TNNT3: variants seen among roughly 807,000 people sequenced by gnomAD.
TNNT3 encodes the protein troponin T, fast skeletal muscle.
TNNT3 carries 36 observed loss-of-function variants against 54.2 expected under a neutral mutation model. The observed-to-expected ratio is 0.66, with a 90% confidence interval of 0.51 to 0.88. The LOEUF is 0.88. Ranked by LOEUF, TNNT3 falls within the 40% of genes least tolerant of loss-of-function variation. TNNT3 has a pLI of 0.00. For missense variants in TNNT3, 291 were observed against 331.6 expected, an observed-to-expected ratio of 0.88 and a Z score of 0.95; for synonymous variants, 120 against 109.7, an observed-to-expected ratio of 1.09 and a Z score of -0.59.
chr11:1,938,524 C>T lies in TNNT3; in HGVS notation c.*32C>T. On this transcript the variant is annotated 3_prime_UTR_variant, in exon 16 of 16. Coordinates refer to ENST00000278317, the MANE Select transcript of TNNT3 (RefSeq NM_006757.4). ...CAGAAAGGCCCCTCGAGGCAGAGAC[C>T]CTCCGCCCTCTTGCACACCAGGGCC... 6.2e-7 allele frequency: 1 copy of T among 1,609,198 alleles called. No homozygotes were observed. The highest frequency in any genetic ancestry group is 1.1e-5 in the South Asian group (1 of 90,950).
At chr11:1,935,254 C>T (rs1589998386) in intron 14 of TNNT3, 1 of 412,396 alleles carries the variant, frequency 2.4e-6, no homozygotes, top group Non-Finnish European at 4.6e-6. Context: ...CCCCTTTAAG[C>T]TTATAGAAAG....
At chr11:1,926,352 C>T (rs543230400) in intron 5 of TNNT3, 201 of 1,285,664 alleles carry the variant, frequency 1.6e-4, no homozygotes, top group Middle Eastern at 1.8e-4. Flanking sequence ...GCTCCCCGCA[C>T]GCACCCCACC....
At chr11:1,927,295 A>G (rs1851883248) in intron 6 of TNNT3, among the ~76,000 whole-genome samples, 2 of 152,158 alleles carry the variant, frequency 1.3e-5, no homozygotes, top group Non-Finnish European at 2.9e-5. Context: ...CCTGGGCCTG[A>G]GCCAGACACA....
chr11:1,937,055 C>A (rs1020400027), intron 15 of TNNT3, 52 bp downstream of exon 15: 3 of 1,545,626 alleles, frequency 1.9e-6, no homozygotes, highest in Admixed American at 3.8e-5. Flanking sequence ...GCCCTTGGGG[C>A]CAGCCGCTGT....
At chr11:1,925,151 A>G in intron 5 of TNNT3, 35 bp downstream of exon 5, 1 of 1,597,278 alleles carries the variant, frequency 6.3e-7, no homozygotes, top group Non-Finnish European at 8.5e-7. Flanking sequence ...CCCCATGCCC[A>G]CTCCCCAGCC....
intron 3 of TNNT3, among the ~76,000 whole-genome samples, 198 bp downstream of exon 3, chr11:1,923,259 A>G (rs1381391074): frequency 1.3e-5 from 2 of 152,028 alleles, no homozygotes; most frequent in Admixed American, 6.5e-5. Flanking sequence ...GTGTGGCCAC[A>G]TGGTCCTGAG....
At position 1,929,980 on chromosome 11, in the gene TNNT3, G is replaced by C. The variant is rs74049812; in HGVS notation, c.125+152G>C. ...GGGGTCCTGGCAGGCCCAGCGCCTC[G>C]TGTGTTCCGTGGTGGAGGCGGAGGA... On this transcript the variant is annotated intron_variant, in intron 8 of 15. Coordinates refer to ENST00000278317, the MANE Select transcript of TNNT3 (RefSeq NM_006757.4). The C allele has an allele frequency of 1.3e-5, 14 of 1,109,142 alleles. No homozygotes were observed. In the South Asian group the frequency reaches 1.5e-4, roughly 12 times the overall value. The allele number at this position is 1,109,142 out of a possible 1,614,324, so 68.7% of individuals were successfully genotyped here.
chr11:1,926,290 A>G (rs941403027), intron 5 of TNNT3, among the ~76,000 whole-genome samples: 1 of 152,174 alleles, frequency 6.6e-6, no homozygotes, highest in Admixed American at 6.5e-5. Flanking sequence ...GTTTGGGGAC[A>G]TGGGACTGGG....
chr11:1,936,209 T>G, intron 14 of TNNT3: 1 of 1,613,856 alleles, frequency 6.2e-7, no homozygotes, highest in Non-Finnish European at 8.5e-7. Flanking sequence ...TCTTGGTCTT[T>G]CTAGATCATG....
rs585405 is a variant in TNNT3, at chr11:1,935,112, G to T, written c.681+193G>T. ...CTGCTGGGGACTGTGGCCAGAGCCC[G>T]TCCTCCTGGCTGGCCATGCAGCGCC... On this transcript the variant is annotated intron_variant, in intron 14 of 15. Coordinates refer to ENST00000278317, the MANE Select transcript of TNNT3 (RefSeq NM_006757.4). 0.72 allele frequency: 476,458 copies of T among 662,098 alleles called. 173,213 individuals carry two copies. The highest frequency in any genetic ancestry group is 0.76 in the Non-Finnish European group (278,824 of 366,650). The allele number at this position is 662,098 out of a possible 1,614,324, so 41.0% of individuals were successfully genotyped here.
intron 8 of TNNT3, among the ~76,000 whole-genome samples, chr11:1,930,560 A>G (rs1351082703): frequency 6.6e-6 from 1 of 152,064 alleles, no homozygotes; most frequent in Admixed American, 6.6e-5. Flanking sequence ...TTTGATCGGT[A>G]TTCACCAGCC....
intron 8 of TNNT3, among the ~76,000 whole-genome samples, chr11:1,930,800 A>G (rs1853153546): frequency 6.6e-6 from 1 of 152,246 alleles, no homozygotes; most frequent in Admixed American, 6.5e-5. Flanking sequence ...ATGCTGGATC[A>G]TGAGATATTT....
At chr11:1,932,403 G>A (rs1048147932) in intron 8 of TNNT3, 66 bp from the exon 9 acceptor site, 17 of 1,531,688 alleles carry the variant, frequency 1.1e-5, no homozygotes, top group Admixed American at 5.0e-5. Flanking sequence ...CGGGGAAAGC[G>A]CCAGGCTGAC....
chr11:1,927,607 G>C (rs1472535855), intron 6 of TNNT3, among the ~76,000 whole-genome samples: 1 of 152,190 alleles, frequency 6.6e-6, no homozygotes, highest in African/African-American at 2.4e-5. Flanking sequence ...GGGTTGCTGG[G>C]CCGCTCTGGA....
intron 6 of TNNT3, among the ~76,000 whole-genome samples, chr11:1,927,045 T>TG (rs1448567796): frequency 6.6e-6 from 1 of 152,078 alleles, no homozygotes; most frequent in Non-Finnish European, 1.5e-5. Flanking sequence ...TGGGGTCCAC[T>TG]GGGACCCTCT....
intron 6 of TNNT3, chr11:1,928,872 T>A: frequency 5.2e-6 from 3 of 577,690 alleles, no homozygotes; most frequent in Non-Finnish European, 9.5e-6. Flanking sequence ...GTCCCTCCTA[T>A]TCTCCACTAG....
At chr11:1,933,313 TCATCCACC>T (rs1486525325) in intron 9 of TNNT3, among the ~76,000 whole-genome samples, 6 of 151,662 alleles carry the variant, frequency 4.0e-5, no homozygotes, top group Non-Finnish European at 8.8e-5. Flanking sequence ...CCTCTCTCAC[TCATCCACC>T]CATCCATCAG....
Position 1,933,942 on chromosome 11 carries a change from T to C in TNNT3, c.300T>C (p.Arg100=). Residue 100 remains arginine (R), a synonymous_variant, in exon 11 of 16, where the codon CGT becomes CGC. Transcript: ENST00000278317. ...VALKERIEKR[R]AERAEQQRIR... is the part of the protein sequence containing the mutation. ...TTCTCTGGCTGCAGGAGAAGCGCCG[T>C]GCAGAGAGAGCGGAGCAGCAGAGGA... The C allele has an allele frequency of 1.2e-6, 2 of 1,612,658 alleles. No homozygotes were observed. The highest frequency in any genetic ancestry group is 1.7e-6 in the Non-Finnish European group (2 of 1,179,966).
intron 5 of TNNT3, 93 bp from the exon 6 acceptor site, chr11:1,926,602 C>G: frequency 6.2e-7 from 1 of 1,608,550 alleles, no homozygotes; most frequent in Admixed American, 1.7e-5. Flanking sequence ...TCCGCCGCCT[C>G]GGCCCTGCCC....
Sources: allele counts gnomAD v4.1 joint callset (sites outside exome capture counted in the v4.1 genomes callset), GRCh38; gene constraint gnomAD v4.1.1; transcripts MANE v1.5; gene names NCBI Gene and HGNC (gene_info 2026-07-23, HGNC 2026-07-21).